The following PYCR3 variants were observed in gnomAD, a reference collection of about 807,000 sequenced individuals.
The protein encoded by PYCR3 is pyrroline-5-carboxylate reductase 3.
PYCR3 carries 26 observed loss-of-function variants against 23.4 expected under a neutral mutation model. That is an observed-to-expected ratio of 1.11 (90% CI 0.81 to 1.54). The LOEUF is 1.54. Among genes scored for constraint, PYCR3 ranks in the 40% most tolerant of loss-of-function variants. The probability of loss-of-function intolerance (pLI) is 0.00; values close to 1 mark genes in which losing one functional copy is unlikely to be tolerated. For synonymous variants in PYCR3, 194 were observed against 162.6 expected (o/e 1.19, Z -1.47); for missense variants, 360 against 376.3 (o/e 0.96, Z 0.36).
intron 3 of PYCR3, 64 bp from the exon 4 acceptor site, chr8:143,606,743 C>G (rs1417886181): frequency 2.0e-5 from 30 of 1,488,782 alleles, no homozygotes; most frequent in Non-Finnish European, 2.6e-5. Context: ...CAGGCCCCAG[C>G]AGGGGCCTCA....
Position 143,605,317 on chromosome 8 carries a change from C to T in PYCR3, c.*383G>A, listed in dbSNP as rs755199660. On this transcript the variant is annotated 3_prime_UTR_variant, in exon 6 of 6. Transcript: ENST00000495276. Reference sequence around the variant, plus strand: ...GCCAAAGGCAAGCTCCAGCTCCAGACCAGGCATTGGGCCAGCCGTGCCTGT... The same window carrying T: ...GCCAAAGGCAAGCTCCAGCTCCAGATCAGGCATTGGGCCAGCCGTGCCTGT... 6.4e-6 allele frequency: 2 copies of T among 314,268 alleles called. No individual in the cohort carries two copies. 19.5% of individuals were successfully genotyped at this position (314,268 alleles called of 1,614,324 possible).
At position 143,606,448 on chromosome 8, in the gene PYCR3, T is replaced by TG; in HGVS notation, c.549+18dup. On this transcript the variant is annotated intron_variant, in intron 4 of 5. Transcript: ENST00000495276. ...TCTTTGCCGAGGGTGGGGCCGGGGA[T>TG]GGACGAGGCAATACTCACGAAGGCC... 7.4e-6 allele frequency: 12 copies of TG among 1,610,842 alleles called. No homozygotes were observed. The highest frequency in any genetic ancestry group is 1.3e-5 in the African/African-American group (1 of 74,988).
At chr8:143,607,950 CTT>C in intron 2 of PYCR3, 110 bp downstream of exon 2, 1 of 813,306 alleles carries the variant, frequency 1.2e-6, no homozygotes, top group Non-Finnish European at 2.0e-6. Flanking sequence ...AGTCTGCAAA[CTT>C]CAGCTAAATA....
chr8:143,609,107 T>C lies in PYCR3; in HGVS notation c.91+351A>G, dbSNP rs1438231804. Among the ~76,000 whole-genome samples, 5 of 152,164 alleles carry C rather than the reference T, an allele frequency of 3.3e-5. No individual in the cohort carries two copies. In the South Asian group the frequency reaches 6.2e-4, roughly 19 times the overall value. ...GGGGGTGCTGCTGGCACAGGATGGA[T>C]AGTCTGGCCCAGGTGTCCCTAGAGC... On this transcript the variant is annotated intron_variant, in intron 1 of 5. Coordinates refer to ENST00000495276, the MANE Select transcript of PYCR3 (RefSeq NM_023078.6).
At chr8:143,606,894 C>T in intron 3 of PYCR3, 59 bp downstream of exon 3, 1 of 1,520,400 alleles carries the variant, frequency 6.6e-7, no homozygotes, top group Non-Finnish European at 8.8e-7. Context: ...TGCCTGCCGC[C>T]CAAGCCTGGC....
In PYCR3 at chr8:143,607,034, C is replaced by A. The variant is rs1299473944; in HGVS notation, c.255G>T (p.Leu85=). ...TGGTGACCACAGGAGCCACCTCTGC[C>A]AGGACAGCTGGCAGCACATGAGGCT... The part of the protein sequence containing the change: ...ATKPHVLPAV[L]AEVAPVVTTE... Residue 85 remains leucine (L), a synonymous_variant, in exon 3 of 6, where the codon CTG becomes CTT. Transcript: ENST00000495276. 6.2e-7 allele frequency: 1 copy of A among 1,613,310 alleles called. No homozygotes were observed. Among genetic ancestry groups the A allele is most frequent in the East Asian group, 2.2e-5 (1 of 44,878 alleles).
Position 143,606,849 on chromosome 8 carries a change from G to A in PYCR3, c.336+104C>T, listed in dbSNP as rs563034326. 733 of 1,392,018 alleles carry A rather than the reference G, an allele frequency of 5.3e-4. 1 individual carries two copies. Among genetic ancestry groups the A allele is most frequent in the Non-Finnish European group, 6.2e-4 (635 of 1,019,190 alleles). The allele number at this position is 1,392,018 out of a possible 1,614,324, so 86.2% of individuals were successfully genotyped here. On this transcript the variant is annotated intron_variant, in intron 3 of 5. Coordinates refer to ENST00000495276, the MANE Select transcript of PYCR3 (RefSeq NM_023078.6). ...TAAATCCAGCCACTTGATCCAGGTG[G>A]GCCACACGGCCACCTCTCAGGCTCT...
chr8:143,609,375 C>T, intron 1 of PYCR3, 83 bp downstream of exon 1: 3 of 1,359,740 alleles, frequency 2.2e-6, no homozygotes, highest in South Asian at 1.6e-5. Flanking sequence ...GGGCCCGCGC[C>T]CCCGGCCCCA....
intron 1 of PYCR3, 67 bp downstream of exon 1, chr8:143,609,391 G>A: frequency 7.2e-7 from 1 of 1,390,294 alleles, no homozygotes; most frequent in Non-Finnish European, 9.3e-7. Flanking sequence ...CCCCACTCTC[G>A]CGGCAGGACA....
Position 143,603,462 on chromosome 8 carries a change from C to T in PYCR3, c.*2238G>A, listed in dbSNP as rs1829305236. ...CCGAGAACTGAGCCCGTGTCTTTGT[C>T]ACAGGCCCTCACCAGCTGGGCCAGG... On this transcript the variant is annotated 3_prime_UTR_variant, in exon 6 of 6. Transcript: ENST00000495276. 6.6e-6 allele frequency among the ~76,000 whole-genome samples: 1 copy of T among 152,230 alleles called. No homozygotes were observed. The highest frequency in any genetic ancestry group is 2.4e-5 in the African/African-American group (1 of 41,458).
chr8:143,606,244 G>T, intron 4 of PYCR3, 90 bp from the exon 5 acceptor site: 1 of 1,349,630 alleles, frequency 7.4e-7, no homozygotes, highest in Non-Finnish European at 1.0e-6. Context: ...CAGTAGCCGT[G>T]GGTGGCCAGA....
intron 1 of PYCR3, chr8:143,608,349 A>G (rs1388149839): frequency 8.7e-6 from 5 of 573,328 alleles, no homozygotes; most frequent in Non-Finnish European, 1.6e-5. Context: ...GCTGCTGGGT[A>G]TGGAGGCCAG....
chr8:143,606,004 C>T lies in PYCR3; in HGVS notation c.642+58G>A, dbSNP rs1804452809. 3.8e-6 allele frequency: 6 copies of T among 1,566,466 alleles called. No homozygotes were observed. The Admixed American group carries it at 1.1e-4, about 28-fold the overall frequency. ...CTCGAGCCTGCTGTTTCCCTGCGCA[C>T]TGGAAGAGGTACAGGCCTGGGCCTT... On this transcript the variant is annotated intron_variant, in intron 5 of 5. Coordinates refer to ENST00000495276, the MANE Select transcript of PYCR3 (RefSeq NM_023078.6).
chr8:143,609,188 A>T (rs957957380), intron 1 of PYCR3, among the ~76,000 whole-genome samples: 1 of 152,260 alleles, frequency 6.6e-6, no homozygotes, highest in Non-Finnish European at 1.5e-5. Context: ...TGGCGCGCAA[A>T]GAGAAAATCA....
chr8:143,607,169 A>G (rs752710272), intron 2 of PYCR3, 37 bp from the exon 3 acceptor site: 2 of 1,496,976 alleles, frequency 1.3e-6, no homozygotes, highest in Non-Finnish European at 9.0e-7. Flanking sequence ...CTCAGGGGCC[A>G]TGTAAGCGGC....
At chr8:143,605,929 C>G (rs1210211748) in intron 5 of PYCR3, 47 bp from the exon 6 acceptor site, 1 of 1,579,558 alleles carries the variant, frequency 6.3e-7, no homozygotes, top group Non-Finnish European at 8.6e-7. Context: ...TGGTGCGGTC[C>G]CCACTGTGCG....
intron 2 of PYCR3, 35 bp from the exon 3 acceptor site, chr8:143,607,167 C>T: frequency 6.7e-7 from 1 of 1,500,278 alleles, no homozygotes; most frequent in Non-Finnish European, 8.9e-7. Flanking sequence ...GCCTCAGGGG[C>T]CATGTAAGCG....
intron 1 of PYCR3, among the ~76,000 whole-genome samples, chr8:143,609,248 C>A (rs374251979): frequency 6.6e-6 from 1 of 152,266 alleles, no homozygotes; most frequent in Admixed American, 6.5e-5. Context: ...AGGAAGCCGG[C>A]CACGGAAGCG....
rs1461976516 is a variant in PYCR3, at chr8:143,606,544, C to A, written c.472G>T (p.Ala158Ser). 3 of 1,612,986 alleles carry A rather than the reference C, an allele frequency of 1.9e-6. No homozygotes were observed. The highest frequency in any genetic ancestry group is 1.3e-5 in the African/African-American group (1 of 75,054). The change falls in exon 4 of 6, where the codon GCC becomes TCC. Residue 158 changes from alanine (A) to serine (S), a missense_variant. Transcript: ENST00000495276. The part of the protein sequence containing the change: ...ETKLLQHLLE[A>S]CGRCEEVPEA... ...GGCACCTCCTCACACCGCCCACAGG[C>A]CTCCAGCAGATGCTGCAGGAGCTTG...
Sources: gnomAD v4.1 joint callset for allele counts (sites outside exome capture counted in the v4.1 genomes callset) on GRCh38, gnomAD v4.1.1 for gene constraint, MANE v1.5 for transcripts, NCBI Gene and HGNC (gene_info 2026-07-23, HGNC 2026-07-21) for gene names.